The following TNFRSF8 variants were observed in gnomAD, a reference collection of about 807,000 sequenced individuals.
The protein encoded by TNFRSF8 is tumor necrosis factor receptor superfamily member 8.
Under a neutral mutation model 70.8 loss-of-function variants are expected in TNFRSF8, and 26 were observed. That is an observed-to-expected ratio of 0.37 (90% CI 0.27 to 0.51). The LOEUF (loss-of-function observed/expected upper bound fraction) is 0.51, where lower values mean the gene tolerates loss of function less well. Ranked by LOEUF, TNFRSF8 falls within the 20% of genes least tolerant of loss-of-function variation. The pLI is 0.94. For synonymous variants in TNFRSF8, 356 were observed against 339.2 expected (o/e 1.05, Z -0.54); for missense variants, 720 against 807.9 (o/e 0.89, Z 1.32).
intron 1 of TNFRSF8, among the ~76,000 whole-genome samples, chr1:12,067,713 C>T (rs115889791): frequency 0.011 from 1,632 of 152,034 alleles, 33 homozygotes; most frequent in African/African-American, 0.038. Flanking sequence ...GATAGAAAAG[C>T]TCTATGTGTG....
rs1485246659 is a variant in TNFRSF8 at position 12,141,271 on chromosome 1, C to T, written c.1544-1016C>T. Among the ~76,000 whole-genome samples the T allele has an allele frequency of 6.6e-6, 1 of 151,990 alleles. No homozygotes were observed. The highest frequency in any genetic ancestry group is 1.9e-4 in the East Asian group (1 of 5,176). ...TCCCTCTTGAGCTTCCCCATTCTGG[C>T]CTCCAGAGTCCAGCGCAGAACAGCT... is the stretch of plus-strand genomic sequence containing the variant. On this transcript the variant is annotated intron_variant, in intron 14 of 14. Coordinates refer to ENST00000263932, the MANE Select transcript of TNFRSF8 (RefSeq NM_001243.5). This position sits in a 1 kb window ranked among gnomAD's most constrained non-coding sequence, Gnocchi z 5.4.
chr1:12,063,839 C>CT lies in TNFRSF8; in HGVS notation c.63+179dup, dbSNP rs1640690406. ...CTAGCACCCACAGGTGGGAGGCTGG[C>CT]TGAAGGGCTAGTGGTGGGGGGCGCC... is the stretch of plus-strand genomic sequence containing the variant. On this transcript the variant is annotated intron_variant, in intron 1 of 14. Coordinates refer to ENST00000263932, the MANE Select transcript of TNFRSF8 (RefSeq NM_001243.5). This position sits in a 1 kb window ranked among gnomAD's most constrained non-coding sequence, Gnocchi z 7.2. Among the ~76,000 whole-genome samples the CT allele has an allele frequency of 6.6e-6, 1 of 152,212 alleles. No homozygotes were observed. The highest frequency in any genetic ancestry group is 2.1e-4 in the South Asian group (1 of 4,832).
intron 12 of TNFRSF8, among the ~76,000 whole-genome samples, chr1:12,132,837 C>T (rs963686518): frequency 1.3e-5 from 1 of 74,438 alleles, no homozygotes; most frequent in Non-Finnish European, 2.5e-5. Flanking sequence ...GACTCCATCT[C>T]AAAAAAAAAA....
chr1:12,074,874 G>A (rs115440812), intron 1 of TNFRSF8, among the ~76,000 whole-genome samples: 3,557 of 151,680 alleles, frequency 0.023, 128 homozygotes, highest in African/African-American at 0.082. Flanking sequence ...CTGTAACCTC[G>A]AATTCTTGGG....
intron 1 of TNFRSF8, among the ~76,000 whole-genome samples, chr1:12,068,220 C>G (rs1159027151): frequency 1.3e-5 from 2 of 152,026 alleles, no homozygotes; most frequent in Non-Finnish European, 2.9e-5. Context: ...TGTGTCTGGC[C>G]CGGGGGAGTC....
At chr1:12,140,678 C>T (rs891256414) in intron 14 of TNFRSF8, among the ~76,000 whole-genome samples, 3 of 152,178 alleles carry the variant, frequency 2.0e-5, no homozygotes, top group South Asian at 2.1e-4. Context: ...CCAATTCCAC[C>T]GCTTTGAATC....
At chr1:12,098,676 T>C (rs981079230) in intron 3 of TNFRSF8, among the ~76,000 whole-genome samples, 5 of 148,324 alleles carry the variant, frequency 3.4e-5, no homozygotes, top group Admixed American at 2.7e-4. Flanking sequence ...TGCAATTCCT[T>C]TAAAAAAAAA....
At chr1:12,116,046 A>G (rs1356877541) in intron 8 of TNFRSF8, among the ~76,000 whole-genome samples, 4 of 152,138 alleles carry the variant, frequency 2.6e-5, no homozygotes, top group Non-Finnish European at 2.9e-5. Context: ...CAATGGCTCA[A>G]TCTCGGCTCA....
intron 1 of TNFRSF8, among the ~76,000 whole-genome samples, chr1:12,073,438 CT>C (rs1198241897): frequency 0.013 from 1,998 of 151,800 alleles, 41 homozygotes; most frequent in African/African-American, 0.045. Flanking sequence ...CTCTCTCTCT[CT>C]TTTCTTCCTT....
chr1:12,123,298 G>A lies in TNFRSF8; in HGVS notation c.961G>A (p.Asp321Asn). The A allele has an allele frequency of 6.2e-7, 1 of 1,613,144 alleles. No homozygotes were observed. The highest frequency in any genetic ancestry group is 8.5e-7 in the Non-Finnish European group (1 of 1,179,704). ...VTKPQDMAEK[D>N]TTFEAPPLGT... is the part of the protein sequence containing the mutation. Reference sequence around the variant, plus strand: ...CCCCTCTGCAGATATGGCTGAGAAGGACACCACCTTTGAGGCGCCACCCCT... The same window carrying A: ...CCCCTCTGCAGATATGGCTGAGAAGAACACCACCTTTGAGGCGCCACCCCT... Residue 321 changes from aspartate to asparagine, a missense_variant, in exon 9 of 15, where the codon GAC (aspartate) becomes AAC (asparagine). Coordinates refer to ENST00000263932, the MANE Select transcript of TNFRSF8 (RefSeq NM_001243.5).
At chr1:12,105,881 G>A (rs1179027931) in intron 4 of TNFRSF8, among the ~76,000 whole-genome samples, 1 of 150,098 alleles carries the variant, frequency 6.7e-6, no homozygotes, top group Non-Finnish European at 1.5e-5. Context: ...GGTGGTTGCA[G>A]TGAGCTGAGA....
chr1:12,121,951 C>T (rs1641836104), intron 8 of TNFRSF8, among the ~76,000 whole-genome samples: 1 of 152,104 alleles, frequency 6.6e-6, no homozygotes, highest in Non-Finnish European at 1.5e-5. Flanking sequence ...GTGGAAGAAG[C>T]CAGACCCCAA....
At chr1:12,136,142 G>C (rs1642140989) in intron 13 of TNFRSF8, among the ~76,000 whole-genome samples, 1 of 151,664 alleles carries the variant, frequency 6.6e-6, no homozygotes, top group Non-Finnish European at 1.5e-5. Flanking sequence ...CATTAAGAAG[G>C]GTTTCTATCC....
chr1:12,102,631 T>C (rs1393527547), intron 3 of TNFRSF8, among the ~76,000 whole-genome samples: 1 of 152,180 alleles, frequency 6.6e-6, no homozygotes, highest in Non-Finnish European at 1.5e-5. Context: ...GTTCAAGTGA[T>C]TTTCCTGTCT....
chr1:12,103,476 T>C (rs1641460611), intron 3 of TNFRSF8, among the ~76,000 whole-genome samples: 1 of 152,142 alleles, frequency 6.6e-6, no homozygotes, highest in Non-Finnish European at 1.5e-5. Flanking sequence ...CAGTTTCCCC[T>C]ATTTTTTGTT....
intron 1 of TNFRSF8, among the ~76,000 whole-genome samples, chr1:12,068,216 T>C (rs917136772): frequency 6.6e-6 from 1 of 152,146 alleles, no homozygotes; most frequent in Non-Finnish European, 1.5e-5. Context: ...TGACTGTGTC[T>C]GGCCCGGGGG....
intron 6 of TNFRSF8, 48 bp from the exon 7 acceptor site, chr1:12,111,850 C>A (rs1641637316): frequency 1.3e-6 from 2 of 1,534,404 alleles, no homozygotes; most frequent in South Asian, 1.1e-5. Context: ...GGGAGTGAGG[C>A]CTTTGCCAAG....
intron 13 of TNFRSF8, among the ~76,000 whole-genome samples, chr1:12,137,939 A>G (rs1357884327): frequency 6.6e-6 from 1 of 152,140 alleles, no homozygotes; most frequent in African/African-American, 2.4e-5. Flanking sequence ...TACCCACCTC[A>G]TACAGTGGTT....
chr1:12,115,157 G>A (rs2101012983), intron 7 of TNFRSF8, among the ~76,000 whole-genome samples: 1 of 152,264 alleles, frequency 6.6e-6, no homozygotes, highest in South Asian at 2.1e-4. Flanking sequence ...CCGTCCCCTG[G>A]AGGACTTTCT....
Sources: gnomAD v4.1 joint callset for allele counts (sites outside exome capture counted in the v4.1 genomes callset) on GRCh38, gnomAD v4.1.1 for gene constraint, Gnocchi (gnomAD v3.1) non-coding constraint, MANE v1.5 for transcripts, NCBI Gene and HGNC (gene_info 2026-07-23, HGNC 2026-07-21) for gene names.